Variants in VTI1A observed in about 807,000 individuals in gnomAD.
The protein encoded by VTI1A is vesicle transport through interaction with t-SNAREs 1A, also known as vesicle transport through interaction with t-SNAREs homolog 1A.
In VTI1A, 22 loss-of-function variants were observed where a neutral mutation model predicts 34.9. The ratio of observed to expected loss-of-function variants is 0.63; its 90% CI spans 0.45 to 0.90. VTI1A has a LOEUF of 0.90. Ranked by LOEUF, VTI1A falls within the 40% of genes least tolerant of loss-of-function variation. The pLI is 0.00. For missense variants in VTI1A, 268 were observed against 275.6 expected (o/e 0.97, Z 0.20); for synonymous variants, 87 against 97.3 (o/e 0.89, Z 0.62).
At chr10:112,587,711 A>G (rs1029774619) in intron 5 of VTI1A, among the ~76,000 whole-genome samples, 22 of 152,164 alleles carry the variant, frequency 1.4e-4, no homozygotes, top group African/African-American at 4.1e-4. Flanking sequence ...ATACAATTAG[A>G]ACTAAGAATT....
intron 5 of VTI1A, among the ~76,000 whole-genome samples, chr10:112,646,873 A>G (rs1252114380): frequency 6.6e-6 from 1 of 152,174 alleles, no homozygotes; most frequent in Non-Finnish European, 1.5e-5. Flanking sequence ...GCACTTGTGC[A>G]ATGTGCTGTA....
intron 7 of VTI1A, among the ~76,000 whole-genome samples, chr10:112,673,201 G>C (rs993516008): frequency 1.3e-5 from 2 of 151,722 alleles, no homozygotes; most frequent in Non-Finnish European, 2.9e-5. Flanking sequence ...AATAATCCCA[G>C]CTACTTGGGA....
In VTI1A at chr10:112,471,487, A is replaced by G. The variant is rs185755789; in HGVS notation, c.264+6830A>G. Among the ~76,000 whole-genome samples the G allele has an allele frequency of 2.3e-3, 333 of 147,446 alleles. 1 individual carries two copies. Among genetic ancestry groups the G allele is most frequent in the Non-Finnish European group, 3.5e-3 (237 of 67,652 alleles). On this transcript the variant is annotated intron_variant, in intron 3 of 7. Transcript: ENST00000393077. ...AGAAGAGGTCAAATCTAATCACCTT[A>G]TGTTTTAGATGAAGAAATGGAGGAC... is the stretch of plus-strand genomic sequence containing the variant.
chr10:112,546,168 TACACAC>T (rs1209859552), intron 5 of VTI1A, among the ~76,000 whole-genome samples: 1 of 150,008 alleles, frequency 6.7e-6, no homozygotes, highest in Admixed American at 6.6e-5. Flanking sequence ...TGTATATATA[TACACAC>T]ACACACATAC....
At chr10:112,672,932 A>G (rs765750322) in intron 7 of VTI1A, among the ~76,000 whole-genome samples, 1 of 152,184 alleles carries the variant, frequency 6.6e-6, no homozygotes, top group Non-Finnish European at 1.5e-5. Flanking sequence ...GTTATAGCTT[A>G]AGAGCTCCAC....
intron 7 of VTI1A, among the ~76,000 whole-genome samples, chr10:112,744,872 G>C (rs1156234904): frequency 6.6e-6 from 1 of 152,126 alleles, no homozygotes; most frequent in Non-Finnish European, 1.5e-5. Flanking sequence ...CATCCTCACA[G>C]CAAACTGAGA....
At chr10:112,576,015 T>G (rs1049673252) in intron 5 of VTI1A, among the ~76,000 whole-genome samples, 1 of 139,096 alleles carries the variant, frequency 7.2e-6, no homozygotes, top group East Asian at 2.0e-4. Flanking sequence ...TTTTCTTTTC[T>G]TTTCTTTTTT....
intron 7 of VTI1A, among the ~76,000 whole-genome samples, chr10:112,801,020 C>T (rs964872727): frequency 6.6e-6 from 1 of 152,178 alleles, no homozygotes; most frequent in Non-Finnish European, 1.5e-5. Flanking sequence ...TATGTGGCTT[C>T]TCTGGAGGCT....
intron 5 of VTI1A, among the ~76,000 whole-genome samples, chr10:112,596,876 G>C (rs1482908163): frequency 6.6e-6 from 1 of 152,054 alleles, no homozygotes; most frequent in African/African-American, 2.4e-5. Flanking sequence ...CAAGTTTGTG[G>C]TATACTTTTT....
chr10:112,488,970 C>T (rs181471375), intron 3 of VTI1A, among the ~76,000 whole-genome samples: 1 of 152,206 alleles, frequency 6.6e-6, no homozygotes, highest in East Asian at 1.9e-4. Context: ...GAACTTTGGC[C>T]TCTTAGCTCG....
intron 7 of VTI1A, among the ~76,000 whole-genome samples, chr10:112,773,925 AG>A (rs1851883170): frequency 6.6e-6 from 1 of 152,194 alleles, no homozygotes; most frequent in African/African-American, 2.4e-5. Context: ...ATAACTAATG[AG>A]TAGCCACTGA....
At chr10:112,598,193 T>G (rs1321074796) in intron 5 of VTI1A, among the ~76,000 whole-genome samples, 1 of 152,250 alleles carries the variant, frequency 6.6e-6, no homozygotes, top group Non-Finnish European at 1.5e-5. Context: ...GAGTCAGTTT[T>G]CTTGCAGTAA....
intron 5 of VTI1A, among the ~76,000 whole-genome samples, chr10:112,595,497 G>C (rs951028284): frequency 6.6e-6 from 1 of 152,132 alleles, no homozygotes; most frequent in African/African-American, 2.4e-5. Context: ...CAAAAAGTGG[G>C]CAAAGGACAT....
At chr10:112,845,062 C>G in the VTI1A span, among the ~76,000 whole-genome samples, 1 of 152,166 alleles carries the variant, frequency 6.6e-6, no homozygotes, top group South Asian at 2.1e-4. Flanking sequence ...TAAAATATGT[C>G]GGTTCGGGAA....
chr10:112,583,229 G>A (rs1564836643), intron 5 of VTI1A, among the ~76,000 whole-genome samples: 1 of 152,120 alleles, frequency 6.6e-6, no homozygotes, highest in African/African-American at 2.4e-5. Context: ...GATTTGTATG[G>A]CTTTACTCAC....
chr10:112,835,286 A>G, the VTI1A span, among the ~76,000 whole-genome samples: 4 of 152,122 alleles, frequency 2.6e-5, no homozygotes, highest in Non-Finnish European at 5.9e-5. Flanking sequence ...CAGTTTCCAA[A>G]ATGGTCTCAT....
intron 5 of VTI1A, among the ~76,000 whole-genome samples, chr10:112,632,634 G>A (rs980951095): frequency 2.0e-5 from 3 of 152,170 alleles, no homozygotes; most frequent in Non-Finnish European, 4.4e-5. Flanking sequence ...ACCCAAAGTT[G>A]AGGTACATCA....
chr10:112,776,315 G>A (rs1851955227), intron 7 of VTI1A, among the ~76,000 whole-genome samples: 1 of 152,170 alleles, frequency 6.6e-6, no homozygotes, highest in Non-Finnish European at 1.5e-5. Flanking sequence ...TATGAACCCT[G>A]TGAACTCCTT....
At chr10:112,522,637 A>G (rs1850068443) in intron 3 of VTI1A, among the ~76,000 whole-genome samples, 2 of 152,134 alleles carry the variant, frequency 1.3e-5, no homozygotes, top group South Asian at 2.1e-4. Context: ...CTACGTAGCC[A>G]TCGAATATTT....
Sources: allele counts gnomAD v4.1 joint callset (sites outside exome capture counted in the v4.1 genomes callset), GRCh38; gene constraint gnomAD v4.1.1; transcripts MANE v1.5; gene names NCBI Gene and HGNC (gene_info 2026-07-23, HGNC 2026-07-21).